Variants in PDE12 observed in about 807,000 individuals in gnomAD.
PDE12 encodes 2',5'-phosphodiesterase 12.
In PDE12, 26 loss-of-function variants were observed where a neutral mutation model predicts 45.4. That is an observed-to-expected ratio of 0.57 (90% CI 0.42 to 0.79). PDE12 has a LOEUF of 0.79. PDE12 is among the 30% of genes least tolerant of loss of function. PDE12 has a pLI of 0.00. For missense variants in PDE12, 668 were observed against 790.0 expected, an observed-to-expected ratio of 0.85 and a Z score of 1.85; for synonymous variants, 283 against 323.9, an observed-to-expected ratio of 0.87 and a Z score of 1.36.
chr3:57,588,936 C>A, the PDE12 span, among the ~76,000 whole-genome samples: 38 of 152,252 alleles, frequency 2.5e-4, no homozygotes, highest in East Asian at 5.8e-3. Flanking sequence ...AAGCCCGTCT[C>A]TACTAAAAAT....
the PDE12 span, among the ~76,000 whole-genome samples, chr3:57,649,024 A>AT: frequency 6.6e-6 from 1 of 152,322 alleles, no homozygotes; most frequent in Middle Eastern, 3.4e-3. Flanking sequence ...GATGGGACTT[A>AT]TTTTGCTTCT....
At position 57,560,990 on chromosome 3, in the gene PDE12, T is replaced by G; in HGVS notation, c.*986T>G. The G allele has an allele frequency of 1.0e-6, 1 of 975,544 alleles. No homozygotes were observed. Among genetic ancestry groups the G allele is most frequent in the Non-Finnish European group, 1.2e-6 (1 of 820,560 alleles). The allele number at this position is 975,544 out of a possible 1,614,324, so 60.4% of individuals were successfully genotyped here. A position where few individuals can be genotyped will look rare whatever the true frequency, so the allele number is the denominator to read the frequency against. Reference sequence around the variant, plus strand: ...AACAAGTAAGGTATTTTCATTCTTATTTTTAGGATTTTAGTTTTTAGTGTA... The same window carrying G: ...AACAAGTAAGGTATTTTCATTCTTAGTTTTAGGATTTTAGTTTTTAGTGTA... On this transcript the variant is annotated 3_prime_UTR_variant, in exon 3 of 3. Coordinates refer to ENST00000311180, the MANE Select transcript of PDE12 (RefSeq NM_177966.7).
the PDE12 span, among the ~76,000 whole-genome samples, chr3:57,591,115 T>C: frequency 2.0e-5 from 3 of 152,142 alleles, no homozygotes; most frequent in East Asian, 1.9e-4. Context: ...CCCTCATATA[T>C]TGCTAGTGGG....
the PDE12 span, chr3:57,628,400 C>T: frequency 3.8e-6 from 6 of 1,569,712 alleles, no homozygotes; most frequent in Non-Finnish European, 4.3e-6. Context: ...TGTATTAATA[C>T]ATTACATTCT....
At chr3:57,597,368 C>T in the PDE12 span, 4 of 441,502 alleles carry the variant, frequency 9.1e-6, no homozygotes, top group Non-Finnish European at 1.7e-5. Flanking sequence ...CGGCTCTAGC[C>T]TTTAGGCTCT....
At position 57,564,873 on chromosome 3, in the gene PDE12, G is replaced by A. The variant is rs923013222; in HGVS notation, c.*4869G>A. The A allele has an allele frequency of 6.7e-6, 1 of 149,176 alleles. No homozygotes were observed. The highest frequency in any genetic ancestry group is 1.5e-5 in the Non-Finnish European group (1 of 67,504). The allele number at this position is 149,176 out of a possible 1,614,324, so 9.2% of individuals were successfully genotyped here. ...ATAGGCAAAAAAAAAAAAAAAAATG[G>A]TTTCACCATGTTGCCCAGGCTGGTC... is the stretch of plus-strand genomic sequence containing the variant. On this transcript the variant is annotated 3_prime_UTR_variant, in exon 3 of 3. Transcript: ENST00000311180.
the PDE12 span, chr3:57,625,975 A>G: frequency 6.6e-6 from 1 of 152,658 alleles, no homozygotes; most frequent in Non-Finnish European, 1.5e-5. Flanking sequence ...AAATTGTACA[A>G]TTATTAAAAT....
chr3:57,563,320 A>G lies in PDE12; in HGVS notation c.*3316A>G, dbSNP rs1308098174. ...CCAAGTAGTTGAGATTACAAGCCCAACCTTCCATAACTGAAAACTAACTTT... is the reference window on the plus strand; with the variant it reads ...CCAAGTAGTTGAGATTACAAGCCCAGCCTTCCATAACTGAAAACTAACTTT... On this transcript the variant is annotated 3_prime_UTR_variant, in exon 3 of 3. Transcript: ENST00000311180. 6.6e-6 allele frequency: 1 copy of G among 152,090 alleles called. No homozygotes were observed. The highest frequency in any genetic ancestry group is 1.5e-5 in the Non-Finnish European group (1 of 68,006). 9.4% of individuals were successfully genotyped at this position (152,090 alleles called of 1,614,324 possible). A position where few individuals can be genotyped will look rare whatever the true frequency, so the allele number is the denominator to read the frequency against.
chr3:57,615,408 AAAG>A, the PDE12 span, among the ~76,000 whole-genome samples: 1 of 152,176 alleles, frequency 6.6e-6, no homozygotes, highest in Non-Finnish European at 1.5e-5. Flanking sequence ...TTATATTAGA[AAAG>A]AAGATGGTCT....
the PDE12 span, among the ~76,000 whole-genome samples, chr3:57,605,492 C>G: frequency 1.3e-5 from 2 of 152,064 alleles, no homozygotes; most frequent in African/African-American, 2.4e-5. Flanking sequence ...TCAAAAAGGT[C>G]TTGCCTCACT....
chr3:57,594,129 G>A, the PDE12 span, among the ~76,000 whole-genome samples: 172 of 152,102 alleles, frequency 1.1e-3, no homozygotes, highest in African/African-American at 3.4e-3. Flanking sequence ...GGTGGCGGGC[G>A]CTTGTAATCC....
the PDE12 span, among the ~76,000 whole-genome samples, chr3:57,589,716 T>C: frequency 1.3e-5 from 2 of 150,772 alleles, no homozygotes; most frequent in African/African-American, 4.9e-5. Context: ...AGACTCCGTC[T>C]CAAAAAAACA....
chr3:57,603,176 A>AG, the PDE12 span, among the ~76,000 whole-genome samples: 1 of 152,064 alleles, frequency 6.6e-6, no homozygotes, highest in Non-Finnish European at 1.5e-5. Context: ...CAAAAAAAAA[A>AG]AGGGGTTTCA....
the PDE12 span, chr3:57,634,649 A>G: frequency 6.7e-7 from 1 of 1,486,492 alleles, no homozygotes; most frequent in Non-Finnish European, 9.0e-7. Flanking sequence ...GAAGGTAAAC[A>G]AAAAAACCCA....
At chr3:57,602,823 G>A in the PDE12 span, among the ~76,000 whole-genome samples, 5 of 151,704 alleles carry the variant, frequency 3.3e-5, no homozygotes, top group South Asian at 2.1e-4. Context: ...CACCCGCCTC[G>A]GTCTCCCAGA....
At chr3:57,630,779 T>G in the PDE12 span, 10 of 1,614,076 alleles carry the variant, frequency 6.2e-6, no homozygotes, top group Non-Finnish European at 7.6e-6. Flanking sequence ...TTCTCAAGTG[T>G]TTTCATAAAT....
At chr3:57,630,370 T>A in the PDE12 span, 1 of 1,465,314 alleles carries the variant, frequency 6.8e-7, no homozygotes, top group Non-Finnish European at 9.2e-7. Context: ...AGCATAATTA[T>A]CTTTATTTTC....
At chr3:57,617,733 G>A in the PDE12 span, among the ~76,000 whole-genome samples, 1 of 151,912 alleles carries the variant, frequency 6.6e-6, no homozygotes, top group Non-Finnish European at 1.5e-5. Flanking sequence ...CAAGTGTAGT[G>A]GCACACACCT....
the PDE12 span, among the ~76,000 whole-genome samples, chr3:57,645,110 AG>A: frequency 6.8e-3 from 1,035 of 152,302 alleles, 12 homozygotes; most frequent in African/African-American, 0.023. Flanking sequence ...TTCATAAAGA[AG>A]TACAACTGAA....
Sources: allele counts gnomAD v4.1 joint callset (sites outside exome capture counted in the v4.1 genomes callset), GRCh38; gene constraint gnomAD v4.1.1; transcripts MANE v1.5; gene names NCBI Gene and HGNC (gene_info 2026-07-23, HGNC 2026-07-21).